F13A1: variants seen among roughly 807,000 people sequenced by gnomAD.
The protein encoded by F13A1 is FSF, A subunit.
Under a neutral mutation model 80.1 loss-of-function variants are expected in F13A1, and 47 were observed. That is an observed-to-expected ratio of 0.59 (90% CI 0.46 to 0.75). The LOEUF is 0.75. Among genes scored for constraint, F13A1 ranks in the 30% least tolerant of loss-of-function variants. The probability of loss-of-function intolerance (pLI) is 0.00; values close to 1 mark genes in which losing one functional copy is unlikely to be tolerated. For synonymous variants in F13A1, 349 were observed against 344.9 expected (o/e 1.01, Z -0.13); for missense variants, 817 against 930.4 (o/e 0.88, Z 1.59).
chr6:6,164,538 C>T (rs781416457), intron 13 of F13A1, among the ~76,000 whole-genome samples: 2 of 151,928 alleles, frequency 1.3e-5, no homozygotes, highest in Non-Finnish European at 2.9e-5. Flanking sequence ...GAAAAAATAA[C>T]TCTTAATTGA....
chr6:6,253,201 T>C (rs1757658712), intron 4 of F13A1, among the ~76,000 whole-genome samples: 1 of 145,442 alleles, frequency 6.9e-6, no homozygotes, highest in Non-Finnish European at 1.5e-5. Flanking sequence ...AAAACTAATA[T>C]GTTGAAAAAG....
intron 10 of F13A1, among the ~76,000 whole-genome samples, chr6:6,186,133 G>C (rs1327418947): frequency 6.6e-6 from 1 of 151,076 alleles, no homozygotes; most frequent in Non-Finnish European, 1.5e-5. Context: ...CCCTTTGTCA[G>C]ATGAGTAGGT....
At position 6,297,378 on chromosome 6, in the gene F13A1, G is replaced by A. The variant is rs1438354431; in HGVS notation, c.319+7973C>T. Among the ~76,000 whole-genome samples the A allele has an allele frequency of 4.0e-5, 6 of 151,046 alleles. No individual in the cohort carries two copies. In the East Asian group the frequency reaches 1.2e-3, roughly 29 times the overall value. ...TTTGGCTGTGAATCCATCTGGTCCT[G>A]GACTCTTTTTGGTTGGTAAGCTATT... On this transcript the variant is annotated intron_variant, in intron 3 of 14. Coordinates refer to ENST00000264870, the MANE Select transcript of F13A1 (RefSeq NM_000129.4).
chr6:6,270,260 T>C (rs1218592870), intron 3 of F13A1, among the ~76,000 whole-genome samples: 1 of 152,176 alleles, frequency 6.6e-6, no homozygotes, highest in Non-Finnish European at 1.5e-5. Context: ...GTCTAACACT[T>C]GAGCCTAAGA....
chr6:6,265,924 C>T (rs1252519604), intron 4 of F13A1, among the ~76,000 whole-genome samples: 1 of 152,176 alleles, frequency 6.6e-6, no homozygotes. Context: ...ATACTGTCAA[C>T]ATATATTAGG....
intron 3 of F13A1, among the ~76,000 whole-genome samples, chr6:6,274,595 G>A (rs1757963360): frequency 6.6e-6 from 1 of 152,200 alleles, no homozygotes; most frequent in African/African-American, 2.4e-5. Flanking sequence ...ATTGAGATAG[G>A]AGAATTTCTC....
chr6:6,197,438 G>T, intron 8 of F13A1, 112 bp from the exon 9 acceptor site: 1 of 982,182 alleles, frequency 1.0e-6, no homozygotes, highest in Non-Finnish European at 1.6e-6. Flanking sequence ...CCAGCAATTT[G>T]GGAGGCCAAG....
At chr6:6,221,594 A>C (rs989729139) in intron 8 of F13A1, among the ~76,000 whole-genome samples, 2 of 152,186 alleles carry the variant, frequency 1.3e-5, no homozygotes, top group Admixed American at 6.6e-5. Flanking sequence ...CACCTGATAC[A>C]ACTAAAAAGA....
At chr6:6,319,205 G>A (rs952366997) in intron 1 of F13A1, among the ~76,000 whole-genome samples, 7 of 152,208 alleles carry the variant, frequency 4.6e-5, no homozygotes, top group African/African-American at 1.4e-4. Context: ...ATGCCAGGCT[G>A]TGATCTAGGT....
intron 8 of F13A1, among the ~76,000 whole-genome samples, chr6:6,216,107 T>C (rs889320763): frequency 6.6e-6 from 1 of 150,376 alleles, no homozygotes; most frequent in Non-Finnish European, 1.5e-5. Context: ...CTGCCCAAGG[T>C]AATTTACAGA....
chr6:6,151,902 C>T lies in F13A1; in HGVS notation c.1956G>A (p.Glu652=). ...GGGTTTCTTTTAAAGGATTGGTAAACTCAACTGTCACAGTCATGTCAGAAC... is the reference window on the plus strand; with the variant it reads ...GGGTTTCTTTTAAAGGATTGGTAAATTCAACTGTCACAGTCATGTCAGAAC... ...VVGSDMTVTV[E]FTNPLKETLR... The change falls in exon 14 of 15, where the codon GAG becomes GAA. Residue 652 remains glutamate (E), a synonymous_variant. Coordinates refer to ENST00000264870, the MANE Select transcript of F13A1 (RefSeq NM_000129.4). 1 of 1,614,086 alleles carries T rather than the reference C, an allele frequency of 6.2e-7. No homozygotes were observed. The highest frequency in any genetic ancestry group is 8.5e-7 in the Non-Finnish European group (1 of 1,179,982).
intron 4 of F13A1, among the ~76,000 whole-genome samples, chr6:6,262,435 G>A (rs1437393273): frequency 6.6e-6 from 1 of 152,258 alleles, no homozygotes; most frequent in Non-Finnish European, 1.5e-5. Flanking sequence ...AGCAGCACAA[G>A]TGTGAGTAGG....
Position 6,203,948 on chromosome 6 carries a change from C to CCATT in F13A1, c.1113-6623_1113-6622insAATG, listed in dbSNP as rs1297683106. On this transcript the variant is annotated intron_variant, in intron 8 of 14. Coordinates refer to ENST00000264870, the MANE Select transcript of F13A1 (RefSeq NM_000129.4). ...TAGGTTCCCTCCGAAACACTGAGGACTATTTATTTATTTATGTATTTATTT... is the reference window on the plus strand; with the variant it reads ...TAGGTTCCCTCCGAAACACTGAGGACCATTTATTTATTTATTTATGTATTTATTT... Among the ~76,000 whole-genome samples the CCATT allele has an allele frequency of 3.3e-5, 5 of 152,058 alleles. No homozygotes were observed. In the South Asian group the frequency reaches 1.0e-3, roughly 32 times the overall value.
At chr6:6,312,700 GTCTT>G (rs1758622788) in intron 2 of F13A1, among the ~76,000 whole-genome samples, 1 of 147,970 alleles carries the variant, frequency 6.8e-6, no homozygotes, top group African/African-American at 2.5e-5. Flanking sequence ...AAAAAAGTCT[GTCTT>G]AAAATGATTT....
chr6:6,167,367 C>T, intron 13 of F13A1, 91 bp downstream of exon 13: 1 of 1,273,290 alleles, frequency 7.9e-7, no homozygotes, highest in Non-Finnish European at 1.1e-6. Context: ...TTCATTCACA[C>T]ACACACACAC....
intron 2 of F13A1, among the ~76,000 whole-genome samples, chr6:6,316,084 T>TGC (rs1758678265): frequency 1.8e-4 from 1 of 5,670 alleles, no homozygotes; most frequent in Non-Finnish European, 3.3e-4. Context: ...TGTGCATATA[T>TGC]ATATATATAT....
chr6:6,272,392 T>C (rs17141966), intron 3 of F13A1, among the ~76,000 whole-genome samples: 19,666 of 152,032 alleles, frequency 0.13, 1,805 homozygotes, highest in African/African-American at 0.25. Context: ...AGAACATACT[T>C]GCCATCAAGG....
Position 6,250,668 on chromosome 6 carries a change from G to A in F13A1, c.690+143C>T. Reference sequence around the variant, plus strand: ...TGTCTTTATGAGTCCCTACTCCTATGCTCTCTGCCTTGGAGTCTCAGATCC... The same window carrying A: ...TGTCTTTATGAGTCCCTACTCCTATACTCTCTGCCTTGGAGTCTCAGATCC... On this transcript the variant is annotated intron_variant, in intron 5 of 14. Transcript: ENST00000264870. This position sits in a 1 kb window ranked among gnomAD's most constrained non-coding sequence, Gnocchi z 4.2. The A allele has an allele frequency of 3.0e-6, 2 of 676,942 alleles. No homozygotes were observed. Among genetic ancestry groups the A allele is most frequent in the East Asian group, 2.7e-5 (1 of 37,072 alleles). The allele number at this position is 676,942 out of a possible 1,614,324, so 41.9% of individuals were successfully genotyped here. A position where few individuals can be genotyped will look rare whatever the true frequency, so the allele number is the denominator to read the frequency against.
chr6:6,242,209 C>G (rs1000608597), intron 6 of F13A1, among the ~76,000 whole-genome samples: 4 of 152,170 alleles, frequency 2.6e-5, no homozygotes, highest in Admixed American at 2.6e-4. Context: ...AGTCATTCAT[C>G]TTGTACTGTG....
Sources: allele counts gnomAD v4.1 joint callset (sites outside exome capture counted in the v4.1 genomes callset), GRCh38; gene constraint gnomAD v4.1.1; non-coding constraint Gnocchi (gnomAD v3.1); transcripts MANE v1.5; gene names NCBI Gene and HGNC (gene_info 2026-07-23, HGNC 2026-07-21).